TRAPPC9: variants seen among roughly 807,000 people sequenced by gnomAD.
TRAPPC9 encodes the protein trafficking protein particle complex subunit 9.
In TRAPPC9, 83 loss-of-function variants were observed where a neutral mutation model predicts 124.0. That is an observed-to-expected ratio of 0.67 (90% CI 0.56 to 0.80). The LOEUF is 0.80. Ranked by LOEUF, TRAPPC9 falls within the 30% of genes least tolerant of loss-of-function variation. The pLI is 0.00. For synonymous variants in TRAPPC9, 638 were observed against 617.5 expected, an observed-to-expected ratio of 1.03 and a Z score of -0.49; for missense variants, 1,302 against 1,508.3, an observed-to-expected ratio of 0.86 and a Z score of 2.27.
chr8:139,775,777 C>T (rs961736807), intron 21 of TRAPPC9, among the ~76,000 whole-genome samples: 7 of 152,192 alleles, frequency 4.6e-5, no homozygotes, highest in African/African-American at 2.4e-5. Flanking sequence ...CTGGAGCCTT[C>T]GGAGGCCTGC....
intron 11 of TRAPPC9, among the ~76,000 whole-genome samples, chr8:140,294,177 C>T (rs889644226): frequency 6.6e-6 from 1 of 152,152 alleles, no homozygotes; most frequent in African/African-American, 2.4e-5. Context: ...ACCCCAGAAA[C>T]TCAGGTCTTG....
chr8:140,279,009 G>A (rs78789913), intron 14 of TRAPPC9, among the ~76,000 whole-genome samples: 1,961 of 152,280 alleles, frequency 0.013, 24 homozygotes, highest in Non-Finnish European at 0.022. Context: ...ATTCTCCTGC[G>A]CCATGGTCTG....
chr8:140,232,611 T>C (rs1401716235), intron 16 of TRAPPC9, among the ~76,000 whole-genome samples: 2 of 152,170 alleles, frequency 1.3e-5, no homozygotes, highest in African/African-American at 4.8e-5. Flanking sequence ...GGAAAGACAT[T>C]CAACGTCACT....
chr8:139,896,257 T>C (rs1830661544), intron 20 of TRAPPC9, among the ~76,000 whole-genome samples: 1 of 152,270 alleles, frequency 6.6e-6, no homozygotes, highest in African/African-American at 2.4e-5. Context: ...ATGGTGGCAG[T>C]GATGGGGGTG....
rs377099554 is a variant in TRAPPC9, at chr8:139,923,432, G to A, written c.2811-13132C>T. Among the ~76,000 whole-genome samples the A allele has an allele frequency of 2.4e-4, 37 of 152,262 alleles. No homozygotes were observed. In the East Asian group the frequency reaches 4.1e-3, roughly 17 times the overall value. ...GGGAGCTGCACGGGCCTCTGCGGCC[G>A]GCATTGCTCGCATTGGTGTCCCCAC... On this transcript the variant is annotated intron_variant, in intron 19 of 22. Coordinates refer to ENST00000438773, the MANE Select transcript of TRAPPC9 (RefSeq NM_001160372.4).
chr8:140,119,386 C>A (rs1009058810), intron 17 of TRAPPC9, among the ~76,000 whole-genome samples: 2 of 152,222 alleles, frequency 1.3e-5, no homozygotes, highest in Non-Finnish European at 2.9e-5. Flanking sequence ...CTCCCAACCC[C>A]CTTTCCCGCA....
intron 19 of TRAPPC9, among the ~76,000 whole-genome samples, chr8:139,934,646 G>A (rs372420473): frequency 6.6e-6 from 1 of 152,094 alleles, no homozygotes; most frequent in Non-Finnish European, 1.5e-5. Context: ...CCTTCCATCC[G>A]CCGAGGAATC....
intron 21 of TRAPPC9, among the ~76,000 whole-genome samples, chr8:139,811,419 T>C (rs1275765193): frequency 3.9e-5 from 6 of 152,232 alleles, no homozygotes; most frequent in Non-Finnish European, 8.8e-5. Context: ...TCAGAGTCCT[T>C]GTTTTGATGC....
chr8:139,942,258 T>C (rs2614741), intron 19 of TRAPPC9, among the ~76,000 whole-genome samples: 135,945 of 152,248 alleles, frequency 0.89, 60,812 homozygotes, highest in Middle Eastern at 0.99. Flanking sequence ...CTCCCTCATT[T>C]TGGCATTTTA....
intron 21 of TRAPPC9, among the ~76,000 whole-genome samples, chr8:139,782,090 GA>G (rs1821863429): frequency 6.6e-6 from 1 of 152,160 alleles, no homozygotes; most frequent in Non-Finnish European, 1.5e-5. Context: ...TTAAAGTATG[GA>G]AAAAGGGGCC....
At chr8:139,994,329 C>G (rs115162180) in intron 18 of TRAPPC9, among the ~76,000 whole-genome samples, 1 of 152,290 alleles carries the variant, frequency 6.6e-6, no homozygotes, top group South Asian at 2.1e-4. Context: ...TCACACTGTG[C>G]GCCTGAGGCA....
chr8:140,089,321 G>A (rs1177109880), intron 17 of TRAPPC9, among the ~76,000 whole-genome samples: 4 of 152,168 alleles, frequency 2.6e-5, no homozygotes, highest in African/African-American at 9.7e-5. Flanking sequence ...CTCATCTGAA[G>A]CCCTTGAGGC....
intron 17 of TRAPPC9, among the ~76,000 whole-genome samples, chr8:140,144,743 T>C (rs2061431825): frequency 6.6e-6 from 1 of 152,082 alleles, no homozygotes; most frequent in African/African-American, 2.4e-5. Flanking sequence ...TGCTTCAGCC[T>C]CCCAAAGTGC....
chr8:140,099,199 G>T (rs536833719), intron 17 of TRAPPC9: 1 of 150,500 alleles, frequency 6.6e-6, no homozygotes, highest in Non-Finnish European at 1.5e-5. Context: ...TTCCGCAGGG[G>T]AGACACCCAG....
chr8:139,752,731 C>T (rs924848335), intron 21 of TRAPPC9, among the ~76,000 whole-genome samples: 3 of 151,556 alleles, frequency 2.0e-5, no homozygotes, highest in Non-Finnish European at 2.9e-5. Flanking sequence ...CCATCCACTA[C>T]CACCTGTTCA....
At chr8:140,113,932 G>A (rs1219519496) in intron 17 of TRAPPC9, among the ~76,000 whole-genome samples, 5 of 152,256 alleles carry the variant, frequency 3.3e-5, no homozygotes, top group South Asian at 2.1e-4. Flanking sequence ...CCACTCGATC[G>A]GAAAGTCAGG....
intron 5 of TRAPPC9, among the ~76,000 whole-genome samples, chr8:140,414,225 AT>A (rs1165243010): frequency 6.6e-6 from 1 of 152,196 alleles, no homozygotes; most frequent in East Asian, 1.9e-4. Flanking sequence ...TACAGTAGAA[AT>A]TTTTAAAAAA....
At chr8:140,075,773 A>T (rs1474179622) in intron 17 of TRAPPC9, among the ~76,000 whole-genome samples, 14 of 152,186 alleles carry the variant, frequency 9.2e-5, no homozygotes, top group Non-Finnish European at 1.5e-5. Context: ...TTGGATGTAG[A>T]GCCAATGTCT....
At chr8:140,231,812 C>T (rs1438390964) in intron 16 of TRAPPC9, among the ~76,000 whole-genome samples, 1 of 152,106 alleles carries the variant, frequency 6.6e-6, no homozygotes, top group Non-Finnish European at 1.5e-5. Flanking sequence ...CTACCCTTTT[C>T]ACCTATTTAA....
Sources: allele counts gnomAD v4.1 joint callset (sites outside exome capture counted in the v4.1 genomes callset), GRCh38; gene constraint gnomAD v4.1.1; transcripts MANE v1.5; gene names NCBI Gene and HGNC (gene_info 2026-07-23, HGNC 2026-07-21).